GPR158: variants seen among roughly 807,000 people sequenced by gnomAD.
GPR158 encodes the protein metabotropic glycine receptor.
GPR158 carries 30 observed loss-of-function variants against 78.2 expected under a neutral mutation model. The ratio of observed to expected loss-of-function variants is 0.38; its 90% CI spans 0.29 to 0.52. The LOEUF is 0.52. Ranked by LOEUF, GPR158 falls within the 20% of genes least tolerant of loss-of-function variation. The pLI, the probability that GPR158 is intolerant of heterozygous loss-of-function variation, is 0.83. For synonymous variants in GPR158, 581 were observed against 591.1 expected (o/e 0.98, Z 0.25); for missense variants, 1,463 against 1,523.5 (o/e 0.96, Z 0.66).
chr10:25,200,587 C>G (rs1852908860), intron 1 of GPR158, among the ~76,000 whole-genome samples: 1 of 152,044 alleles, frequency 6.6e-6, no homozygotes, highest in Non-Finnish European at 1.5e-5. Context: ...TTGCCTATAT[C>G]CAGAATGATA....
intron 4 of GPR158, among the ~76,000 whole-genome samples, chr10:25,433,570 T>TGTGTGTGTGTGTGCGC (rs1554803626): frequency 7.8e-6 from 1 of 128,668 alleles, no homozygotes; most frequent in Non-Finnish European, 1.7e-5. Flanking sequence ...TGTGTGTGTG[T>TGTGTGTGTGTGTGCGC]GCGCGCGCGC....
At position 25,427,942 on chromosome 10, in the gene GPR158, C is replaced by T. The variant is rs138114412; in HGVS notation, c.1335+15469C>T. On this transcript the variant is annotated intron_variant, in intron 4 of 10. Coordinates refer to ENST00000376351, the MANE Select transcript of GPR158 (RefSeq NM_020752.3). Reference sequence around the variant, plus strand: ...GAATTTAAACCTGTCTGACTATGTCCGTACAATAATTACTCAATCTTCCTC... The same window carrying T: ...GAATTTAAACCTGTCTGACTATGTCTGTACAATAATTACTCAATCTTCCTC... 7.9e-3 allele frequency among the ~76,000 whole-genome samples: 1,199 copies of T among 151,996 alleles called. 3 individuals are homozygous for T. The highest frequency in any genetic ancestry group is 0.01 in the Non-Finnish European group (705 of 67,900).
intron 5 of GPR158, among the ~76,000 whole-genome samples, chr10:25,479,650 A>G (rs1344642507): frequency 6.6e-6 from 1 of 152,002 alleles, no homozygotes; most frequent in Non-Finnish European, 1.5e-5. Flanking sequence ...CCTGACCTCA[A>G]TTGATCCACC....
intron 4 of GPR158, among the ~76,000 whole-genome samples, chr10:25,430,927 A>G (rs920403242): frequency 2.0e-5 from 3 of 150,394 alleles, no homozygotes; most frequent in Non-Finnish European, 4.4e-5. Flanking sequence ...AAACCTAGGC[A>G]ATACCATTCA....
At chr10:25,315,912 A>G (rs1246272517) in intron 2 of GPR158, among the ~76,000 whole-genome samples, 8 of 152,138 alleles carry the variant, frequency 5.3e-5, no homozygotes, top group African/African-American at 1.9e-4. Context: ...AGATTGCTAA[A>G]GAAGGGCTCA....
chr10:25,577,856 A>T (rs933383820), intron 7 of GPR158, among the ~76,000 whole-genome samples: 95 of 142,184 alleles, frequency 6.7e-4, no homozygotes, highest in Admixed American at 3.6e-3. Context: ...TCCTGTGTAT[A>T]AAAAAATAAG....
intron 6 of GPR158, among the ~76,000 whole-genome samples, chr10:25,569,321 A>G (rs904701890): frequency 1.4e-4 from 21 of 152,212 alleles, no homozygotes; most frequent in Non-Finnish European, 2.2e-4. Context: ...GGAATCGTAG[A>G]TTTCCTTTGC....
chr10:25,329,597 C>CTTT (rs568147961), intron 2 of GPR158, among the ~76,000 whole-genome samples: 8 of 144,250 alleles, frequency 5.5e-5, no homozygotes, highest in African/African-American at 2.0e-4. Context: ...ACTCTTACCT[C>CTTT]TTTTTTTTTT....
At chr10:25,415,152 A>T (rs923450747) in intron 4 of GPR158, among the ~76,000 whole-genome samples, 3 of 152,166 alleles carry the variant, frequency 2.0e-5, no homozygotes, top group African/African-American at 7.2e-5. Context: ...CAACAGAAGC[A>T]TACATGACAA....
At position 25,251,152 on chromosome 10, in the gene GPR158, T is replaced by G. The variant is rs1853791626; in HGVS notation, c.1008+29995T>G. Among the ~76,000 whole-genome samples, 3 of 152,196 alleles carry G rather than the reference T, an allele frequency of 2.0e-5. No homozygotes were observed. The South Asian group carries it at 6.2e-4, about 32-fold the overall frequency. ...GAATGCAACCCCTGCCTTTTTTTGT[T>G]TTCCATTTGCTTGGTAGATGTTCCT... On this transcript the variant is annotated intron_variant, in intron 2 of 10. Transcript: ENST00000376351.
intron 1 of GPR158, among the ~76,000 whole-genome samples, chr10:25,201,858 C>T (rs1852933707): frequency 6.6e-6 from 1 of 151,960 alleles, no homozygotes; most frequent in African/African-American, 2.4e-5. Flanking sequence ...TCTTGATATG[C>T]TGCTGGATTT....
At chr10:25,288,422 C>T (rs921390840) in intron 2 of GPR158, among the ~76,000 whole-genome samples, 1 of 152,188 alleles carries the variant, frequency 6.6e-6, no homozygotes, top group African/African-American at 2.4e-5. Flanking sequence ...GGGGCTGATT[C>T]CATATAGAAC....
chr10:25,540,692 A>T (rs1024764384), intron 5 of GPR158, among the ~76,000 whole-genome samples: 1 of 151,912 alleles, frequency 6.6e-6, no homozygotes, highest in Non-Finnish European at 1.5e-5. Context: ...TATCACAAGG[A>T]CAAAAAACCA....
chr10:25,333,441 A>G (rs1855155414), intron 2 of GPR158, among the ~76,000 whole-genome samples: 2 of 152,152 alleles, frequency 1.3e-5, no homozygotes, highest in African/African-American at 4.8e-5. Flanking sequence ...AAGGTTGTAT[A>G]TACATATCTG....
intron 4 of GPR158, among the ~76,000 whole-genome samples, chr10:25,433,549 G>GTTGTGTGTGTGTTGTGTGTGTGT (rs1294748334): frequency 7.4e-6 from 1 of 134,512 alleles, no homozygotes; most frequent in East Asian, 2.1e-4. Context: ...TGTGTGTGTT[G>GTTGTGTGTGTGTTGTGTGTGTGT]TGTGTGTGTG....
chr10:25,302,080 T>C (rs201212208), intron 2 of GPR158, among the ~76,000 whole-genome samples: 10,750 of 148,874 alleles, frequency 0.072, 717 homozygotes, highest in African/African-American at 0.16. Context: ...TTTTTTTTTT[T>C]TTTTTTCTTG....
At chr10:25,333,045 A>G (rs1855148909) in intron 2 of GPR158, among the ~76,000 whole-genome samples, 1 of 152,100 alleles carries the variant, frequency 6.6e-6, no homozygotes, top group South Asian at 2.1e-4. Flanking sequence ...ACAGAAAGAA[A>G]TTTCACTTTC....
At chr10:25,486,449 A>G (rs1835736996) in intron 5 of GPR158, among the ~76,000 whole-genome samples, 1 of 152,152 alleles carries the variant, frequency 6.6e-6, no homozygotes, top group African/African-American at 2.4e-5. Flanking sequence ...TAACGTCATC[A>G]TGGGAGACTA....
In GPR158 at chr10:25,513,442, G is replaced by T. The variant is rs142125816; in HGVS notation, c.1405-37534G>T. 9.0e-3 allele frequency among the ~76,000 whole-genome samples: 1,360 copies of T among 150,850 alleles called. 23 individuals carry two copies. Among genetic ancestry groups the T allele is most frequent in the African/African-American group, 0.031 (1,289 of 41,242 alleles). On this transcript the variant is annotated intron_variant, in intron 5 of 10. Transcript: ENST00000376351. ...GTTTTCTTGGTTAATCTCACTAACA[G>T]TCTGTCAATTTTATTATCTTTTCAA...
Sources: gnomAD v4.1 joint callset for allele counts (sites outside exome capture counted in the v4.1 genomes callset) on GRCh38, gnomAD v4.1.1 for gene constraint, MANE v1.5 for transcripts, NCBI Gene and HGNC (gene_info 2026-07-23, HGNC 2026-07-21) for gene names.